TMTC1: variants seen among roughly 807,000 people sequenced by gnomAD.
TMTC1 encodes the protein transmembrane O-mannosyltransferase targeting cadherins 1, also known as protein O-mannosyl-transferase TMTC1.
A neutral mutation model predicts 104.8 loss-of-function variants in TMTC1; 73 were observed. The ratio of observed to expected loss-of-function variants is 0.70; its 90% CI spans 0.58 to 0.85. TMTC1 has a LOEUF of 0.85. Ranked by LOEUF, TMTC1 falls within the 40% of genes least tolerant of loss-of-function variation. TMTC1 has a pLI of 0.00. For synonymous variants in TMTC1, 434 were observed against 428.7 expected (o/e 1.01, Z -0.15); for missense variants, 1,035 against 1,096.1 (o/e 0.94, Z 0.79).
At chr12:29,523,863 G>C (rs553873130) in intron 11 of TMTC1, among the ~76,000 whole-genome samples, 1 of 152,200 alleles carries the variant, frequency 6.6e-6, no homozygotes, top group African/African-American at 2.4e-5. Flanking sequence ...CTTAGCATGA[G>C]TGACTCTATT....
chr12:29,628,833 T>G (rs1295457014), intron 6 of TMTC1, among the ~76,000 whole-genome samples: 1 of 151,924 alleles, frequency 6.6e-6, no homozygotes, highest in Non-Finnish European at 1.5e-5. Context: ...AGCTAATTTT[T>G]GTATTTTTAG....
chr12:29,734,513 G>A (rs1942622019), intron 5 of TMTC1, among the ~76,000 whole-genome samples: 1 of 152,216 alleles, frequency 6.6e-6, no homozygotes, highest in Admixed American at 6.5e-5. Context: ...CCATAAGCCA[G>A]ACGATCATAA....
At position 29,733,855 on chromosome 12, in the gene TMTC1, T is replaced by C. The variant is rs148580170; in HGVS notation, c.938+17811A>G. 8.5e-5 allele frequency among the ~76,000 whole-genome samples: 13 copies of C among 152,350 alleles called. No individual in the cohort carries two copies. The East Asian group carries it at 2.5e-3, about 29-fold the overall frequency. ...CTGTTTCAATATCGCTCTGCTCATT[T>C]TATTGTTTTACTTGCTAAGCTTCCC... is the stretch of plus-strand genomic sequence containing the variant. On this transcript the variant is annotated intron_variant, in intron 5 of 17. Coordinates refer to ENST00000539277, the MANE Select transcript of TMTC1 (RefSeq NM_001193451.2).
At chr12:29,695,824 T>C (rs1376320553) in intron 5 of TMTC1, among the ~76,000 whole-genome samples, 1 of 90,776 alleles carries the variant, frequency 1.1e-5, no homozygotes, top group African/African-American at 4.6e-5. Flanking sequence ...TATATATATA[T>C]ATATAACCTG....
chr12:29,690,125 A>G (rs1262335133), intron 5 of TMTC1, among the ~76,000 whole-genome samples: 1 of 152,252 alleles, frequency 6.6e-6, no homozygotes, highest in Non-Finnish European at 1.5e-5. Flanking sequence ...AAGTAACTAC[A>G]TCACACAAAA....
At chr12:29,640,277 C>G (rs928450920) in intron 5 of TMTC1, among the ~76,000 whole-genome samples, 1 of 152,244 alleles carries the variant, frequency 6.6e-6, no homozygotes, top group Non-Finnish European at 1.5e-5. Context: ...CCAGAAGAGA[C>G]GTATGGTGAG....
chr12:29,764,859 C>A (rs1278801654), intron 2 of TMTC1, among the ~76,000 whole-genome samples: 1 of 152,050 alleles, frequency 6.6e-6, no homozygotes, highest in Non-Finnish European at 1.5e-5. Flanking sequence ...TAGGATTTTC[C>A]TCTTTTCTTA....
chr12:29,754,571 A>G (rs1048138139), intron 4 of TMTC1, among the ~76,000 whole-genome samples: 2 of 152,162 alleles, frequency 1.3e-5, no homozygotes, highest in Non-Finnish European at 2.9e-5. Context: ...TTGTTCCCTA[A>G]AAAGTAAGAT....
At chr12:29,651,897 T>C (rs986711723) in intron 5 of TMTC1, among the ~76,000 whole-genome samples, 4 of 136,736 alleles carry the variant, frequency 2.9e-5, no homozygotes, top group African/African-American at 1.1e-4. Context: ...AGCAAAAAAC[T>C]TGCCCAAAAA....
intron 7 of TMTC1, among the ~76,000 whole-genome samples, chr12:29,600,649 T>C (rs1053110128): frequency 1.3e-5 from 2 of 152,184 alleles, no homozygotes; most frequent in African/African-American, 4.8e-5. Flanking sequence ...GAAATCCAAG[T>C]TAAACTCTCA....
rs77668905 is a variant in TMTC1 at position 29,775,205 on chromosome 12, G to A, written c.303-7130C>T. ...GGCCAAATATTTTAGTTTTAACTGA[G>A]CTGTCAATTTTTAGCATTTTTTTTT... is the stretch of plus-strand genomic sequence containing the variant. On this transcript the variant is annotated intron_variant, in intron 1 of 17. Coordinates refer to ENST00000539277, the MANE Select transcript of TMTC1 (RefSeq NM_001193451.2). Among the ~76,000 whole-genome samples, 805 of 152,274 alleles carry A rather than the reference G, an allele frequency of 5.3e-3. 4 individuals are homozygous for A. Among genetic ancestry groups the A allele is most frequent in the African/African-American group, 0.018 (761 of 41,532 alleles).
chr12:29,681,825 T>C (rs1445855239), intron 5 of TMTC1, among the ~76,000 whole-genome samples: 2 of 152,156 alleles, frequency 1.3e-5, no homozygotes, highest in Non-Finnish European at 2.9e-5. Flanking sequence ...AGTGAAAACA[T>C]GAAATGAAGG....
chr12:29,772,650 T>C (rs1943621190), intron 1 of TMTC1, among the ~76,000 whole-genome samples: 1 of 152,158 alleles, frequency 6.6e-6, no homozygotes, highest in Non-Finnish European at 1.5e-5. Context: ...GAGGTAACAC[T>C]GAAGCTAGTA....
intron 5 of TMTC1, among the ~76,000 whole-genome samples, chr12:29,640,316 T>C (rs574859445): frequency 6.6e-6 from 1 of 150,698 alleles, no homozygotes; most frequent in South Asian, 2.1e-4. Context: ...CAGGAACAGA[T>C]GCAGCTGTGG....
chr12:29,547,084 A>G lies in TMTC1; in HGVS notation c.1676+9773T>C, dbSNP rs1402003909. ...GAAAATGATTTTCAGGACAAGGGAG[A>G]CTACTGAAACTCTTGCACTTGACAA... On this transcript the variant is annotated intron_variant, in intron 10 of 17. Coordinates refer to ENST00000539277, the MANE Select transcript of TMTC1 (RefSeq NM_001193451.2). 1.2e-4 allele frequency among the ~76,000 whole-genome samples: 18 copies of G among 152,206 alleles called. 1 individual carries two copies. Among genetic ancestry groups the G allele is most frequent in the Admixed American group, 1.2e-3 (18 of 15,280 alleles).
intron 5 of TMTC1, among the ~76,000 whole-genome samples, chr12:29,674,818 C>T (rs1940661879): frequency 6.6e-6 from 1 of 152,204 alleles, no homozygotes; most frequent in Non-Finnish European, 1.5e-5. Context: ...ACCCACCATG[C>T]CTCATGCCCA....
intron 15 of TMTC1, among the ~76,000 whole-genome samples, 195 bp from the exon 16 acceptor site, chr12:29,514,799 G>T (rs1309356475): frequency 6.6e-6 from 1 of 152,114 alleles, no homozygotes; most frequent in Non-Finnish European, 1.5e-5. Context: ...TGGGCAGATT[G>T]CCCAGTAGCT....
At chr12:29,773,825 T>C (rs1943648041) in intron 1 of TMTC1, among the ~76,000 whole-genome samples, 1 of 152,134 alleles carries the variant, frequency 6.6e-6, no homozygotes, top group African/African-American at 2.4e-5. Flanking sequence ...CACTTGGTCT[T>C]TGGTACTCCA....
Position 29,526,442 on chromosome 12 carries a change from CTT to C in TMTC1, c.1786-5724_1786-5723del, listed in dbSNP as rs1263273146. Among the ~76,000 whole-genome samples the C allele has an allele frequency of 3.9e-4, 59 of 152,298 alleles. 1 individual carries two copies. In the South Asian group the frequency reaches 0.012, roughly 31 times the overall value. On this transcript the variant is annotated intron_variant, in intron 11 of 17. Transcript: ENST00000539277. ...CATAGAAGTTTATTTAAATTGTATA[CTT>C]AAAACATTTTAGTGAGAGCTGATTT...
Sources: gnomAD v4.1 joint callset for allele counts (sites outside exome capture counted in the v4.1 genomes callset) on GRCh38, gnomAD v4.1.1 for gene constraint, MANE v1.5 for transcripts, NCBI Gene and HGNC (gene_info 2026-07-23, HGNC 2026-07-21) for gene names.